TYW1B: variants seen among roughly 807,000 people sequenced by gnomAD.
The protein encoded by TYW1B is S-adenosyl-L-methionine-dependent tRNA 4-demethylwyosine synthase TYW1B.
A neutral mutation model predicts 86.9 loss-of-function variants in TYW1B; 73 were observed. The observed-to-expected ratio is 0.84, with a 90% CI of 0.70 to 1.02. The LOEUF (loss-of-function observed/expected upper bound fraction) is 1.02. Among genes scored for constraint, TYW1B ranks in the 50% least tolerant of loss-of-function variants. The pLI is 0.00. For synonymous variants in TYW1B, 248 were observed against 292.8 expected, an observed-to-expected ratio of 0.85 and a Z score of 1.56; for missense variants, 637 against 827.4, an observed-to-expected ratio of 0.77 and a Z score of 2.82.
intron 11 of TYW1B, among the ~76,000 whole-genome samples, chr7:72,632,393 T>TATATAATATATATATACATATAC (rs1812540123): frequency 9.7e-6 from 1 of 102,632 alleles, no homozygotes; most frequent in East Asian, 2.1e-4. Flanking sequence ...TATACGTATA[T>TATATAATATATATATACATATAC]ATATATAATA....
chr7:72,695,103 A>G (rs1420724142), intron 10 of TYW1B, among the ~76,000 whole-genome samples: 1 of 152,186 alleles, frequency 6.6e-6, no homozygotes, highest in Non-Finnish European at 1.5e-5. Context: ...GAAAATAAAC[A>G]AAATGTGATC....
intron 13 of TYW1B, among the ~76,000 whole-genome samples, chr7:72,593,194 A>G (rs1192780953): frequency 6.6e-6 from 1 of 152,004 alleles, no homozygotes. Flanking sequence ...CGGGGGGCTG[A>G]GGCAGGAGAA....
chr7:72,813,300 C>T (rs1484336725), intron 3 of TYW1B, among the ~76,000 whole-genome samples: 2 of 151,888 alleles, frequency 1.3e-5, no homozygotes, highest in East Asian at 1.9e-4. Flanking sequence ...CTCAGCCTCC[C>T]GAGTAGTTGG....
intron 8 of TYW1B, among the ~76,000 whole-genome samples, chr7:72,734,268 A>AAAC (rs56806378): frequency 7.1e-5 from 7 of 98,160 alleles, no homozygotes; most frequent in Admixed American, 1.2e-4. Flanking sequence ...AAAAAAAAAA[A>AAAC]ACACAACAAA....
intron 11 of TYW1B, among the ~76,000 whole-genome samples, chr7:72,648,744 C>T (rs1237526516): frequency 6.6e-6 from 1 of 152,000 alleles, no homozygotes; most frequent in African/African-American, 2.4e-5. Flanking sequence ...GCTTGACATC[C>T]ACCCGGCAAC....
At chr7:72,648,300 T>C (rs547498778) in intron 11 of TYW1B, among the ~76,000 whole-genome samples, 1 of 152,128 alleles carries the variant, frequency 6.6e-6, no homozygotes, top group Non-Finnish European at 1.5e-5. Context: ...CCCAGCACTT[T>C]GGGGGACTAA....
chr7:72,760,165 G>A (rs1224992210), intron 7 of TYW1B, among the ~76,000 whole-genome samples: 1 of 152,168 alleles, frequency 6.6e-6, no homozygotes, highest in African/African-American at 2.4e-5. Context: ...AAGGCTACCT[G>A]GAGATTTTAT....
chr7:72,777,044 T>C (rs2129572038), intron 7 of TYW1B, among the ~76,000 whole-genome samples: 1 of 152,248 alleles, frequency 6.6e-6, no homozygotes, highest in South Asian at 2.1e-4. Context: ...CATGCAACTA[T>C]AACCTCCTTA....
In TYW1B at chr7:72,788,597, A is replaced by G. The variant is rs190057038; in HGVS notation, c.847-11064T>C. 4.2e-3 allele frequency among the ~76,000 whole-genome samples: 636 copies of G among 152,002 alleles called. 3 individuals carry two copies. Among genetic ancestry groups the G allele is most frequent in the African/African-American group, 0.015 (602 of 41,486 alleles). ...GCCCAGGCTGGAGTGCAGTGGCACAATCTTGGCTCACTGCAACCTCCGCTT... is the reference window on the plus strand; with the variant it reads ...GCCCAGGCTGGAGTGCAGTGGCACAGTCTTGGCTCACTGCAACCTCCGCTT... On this transcript the variant is annotated intron_variant, in intron 6 of 13. Transcript: ENST00000620995.
At chr7:72,591,103 G>A (rs1554431310) in intron 13 of TYW1B, among the ~76,000 whole-genome samples, 1 of 151,836 alleles carries the variant, frequency 6.6e-6, no homozygotes, top group Non-Finnish European at 1.5e-5. Context: ...AGAAGGATTA[G>A]TGAACCTGAA....
rs148158984 is a variant in TYW1B, at chr7:72,590,961, T to C, written c.1786-15242A>G. 1.4e-4 allele frequency among the ~76,000 whole-genome samples: 21 copies of C among 152,140 alleles called. No homozygotes were observed. In the East Asian group the frequency reaches 3.9e-3, roughly 28 times the overall value. On this transcript the variant is annotated intron_variant, in intron 13 of 13. Coordinates refer to ENST00000620995, the MANE Select transcript of TYW1B (RefSeq NM_001145440.3). ...TGTGGGAAAAGTCAAGAAAAGGATATATGAACAAAACAGAAATATCAATAG... is the reference window on the plus strand; with the variant it reads ...TGTGGGAAAAGTCAAGAAAAGGATACATGAACAAAACAGAAATATCAATAG...
intron 3 of TYW1B, among the ~76,000 whole-genome samples, chr7:72,813,171 CTTTTT>C (rs782128548): frequency 8.1e-6 from 1 of 123,768 alleles, no homozygotes; most frequent in African/African-American, 3.1e-5. Flanking sequence ...CATACTTCTT[CTTTTT>C]TTTTTTTTTT....
At chr7:72,644,036 T>C (rs1256544539) in intron 11 of TYW1B, among the ~76,000 whole-genome samples, 16 of 152,150 alleles carry the variant, frequency 1.1e-4, no homozygotes, top group African/African-American at 3.9e-4. Flanking sequence ...ACAAAAAAGA[T>C]AATACATAGT....
chr7:72,777,874 C>A (rs1787985186), intron 6 of TYW1B, among the ~76,000 whole-genome samples: 1 of 152,236 alleles, frequency 6.6e-6, no homozygotes, highest in Non-Finnish European at 1.5e-5. Context: ...CAAGATCACA[C>A]CACCATACTC....
At chr7:72,779,589 C>G (rs1363527394) in intron 6 of TYW1B, among the ~76,000 whole-genome samples, 1 of 151,208 alleles carries the variant, frequency 6.6e-6, no homozygotes, top group Non-Finnish European at 1.5e-5. Context: ...TGGTGGCAGG[C>G]ACCTATAATC....
At position 72,593,538 on chromosome 7, in the gene TYW1B, C is replaced by T. The variant is rs2960910; in HGVS notation, c.1786-17819G>A. Among the ~76,000 whole-genome samples, 54 of 151,600 alleles carry T rather than the reference C, an allele frequency of 3.6e-4. No homozygotes were observed. In the East Asian group the frequency reaches 7.0e-3, roughly 20 times the overall value. ...TGGGATGAAGTTAAAAATCAATAAA[C>T]GAGGCCAGGCGTGGTTGCTCAGGCC... On this transcript the variant is annotated intron_variant, in intron 13 of 13. Transcript: ENST00000620995.
chr7:72,816,418 G>T (rs1336538588), intron 2 of TYW1B, among the ~76,000 whole-genome samples: 4 of 152,128 alleles, frequency 2.6e-5, no homozygotes, highest in Admixed American at 2.0e-4. Flanking sequence ...AGAGTGAAAA[G>T]AATGGGAAAC....
At chr7:72,697,300 G>A (rs1325702805) in intron 10 of TYW1B, among the ~76,000 whole-genome samples, 7 of 152,040 alleles carry the variant, frequency 4.6e-5, no homozygotes, top group Non-Finnish European at 8.8e-5. Flanking sequence ...TATACTAGAT[G>A]TCTGAGATGC....
At chr7:72,638,299 T>C (rs2949092) in intron 11 of TYW1B, among the ~76,000 whole-genome samples, 24,262 of 149,024 alleles carry the variant, frequency 0.16, 2,026 homozygotes, top group East Asian at 0.53. Context: ...CCATTTGCCA[T>C]TTGTATGTAA....
Sources: gnomAD v4.1 joint callset for allele counts (sites outside exome capture counted in the v4.1 genomes callset) on GRCh38, gnomAD v4.1.1 for gene constraint, MANE v1.5 for transcripts, NCBI Gene and HGNC (gene_info 2026-07-23, HGNC 2026-07-21) for gene names.